The following ZNF778 variants were observed in gnomAD, a reference collection of about 807,000 sequenced individuals.
ZNF778 encodes zinc finger protein 778.
In ZNF778, 37 loss-of-function variants were observed where a neutral mutation model predicts 23.9. The observed-to-expected ratio is 1.54, with a 90% CI of 1.19 to 2.03. The LOEUF is 2.03. Ranked by LOEUF, ZNF778 falls within the 30% of genes most tolerant of loss-of-function variation. ZNF778 has a pLI of 0.00. For synonymous variants in ZNF778, 483 were observed against 343.9 expected, an observed-to-expected ratio of 1.40 and a Z score of -4.48; for missense variants, 1,297 against 934.4, an observed-to-expected ratio of 1.39 and a Z score of -5.06.
In ZNF778 at chr16:89,227,690, G is replaced by T; in HGVS notation, c.1402G>T (p.Val468Leu). Residue 468 changes from valine to leucine, a missense_variant, in exon 7 of 7, where the codon GTA becomes TTA. Coordinates refer to ENST00000433976, the MANE Select transcript of ZNF778 (RefSeq NM_001201407.2). ...TACATCCTCGGGCCTTACTGAGCAT[G>T]TAAGGACTCACACTGGAGAGAAACC... ...FCTSSGLTEH[V>L]RTHTGEKPYE... 6.2e-7 allele frequency: 1 copy of T among 1,614,186 alleles called. No homozygotes were observed. The highest frequency in any genetic ancestry group is 1.1e-5 in the South Asian group (1 of 91,090).
At position 89,228,083 on chromosome 16, in the gene ZNF778, A is replaced by G. The variant is rs2031664023; in HGVS notation, c.1795A>G (p.Thr599Ala). ...ATGTAAGGACTGTGGGAAAACATTCACTGTTTCTTCGAGCCTAACCGAGCA... is the reference window on the plus strand; with the variant it reads ...ATGTAAGGACTGTGGGAAAACATTCGCTGTTTCTTCGAGCCTAACCGAGCA... ...YECKDCGKTF[T>A]VSSSLTEHIR... is the part of the protein sequence containing the mutation. The change falls in exon 7 of 7, where the codon ACT becomes GCT. Residue 599 changes from threonine (T) to alanine (A), a missense_variant. Thr to Ala is a moderately conservative substitution (Grantham distance 58, BLOSUM62 0). Transcript: ENST00000433976. 38 of 1,612,870 alleles carry G rather than the reference A, an allele frequency of 2.4e-5. No individual in the cohort carries two copies. The highest frequency in any genetic ancestry group is 3.2e-5 in the Non-Finnish European group (38 of 1,179,124).
Position 89,236,423 on chromosome 16 carries a change from GA to G in ZNF778, c.*7864del, listed in dbSNP as rs1257038810. ...ATCCAACAAAATATCCTTTAGGAAT[GA>G]AACAGAAGTAACGATGAGGCAATAC... is the stretch of plus-strand genomic sequence containing the variant. On this transcript the variant is annotated 3_prime_UTR_variant, in exon 7 of 7. Transcript: ENST00000433976. 3 of 152,168 alleles carry G rather than the reference GA, an allele frequency of 2.0e-5. No homozygotes were observed. In the East Asian group the frequency reaches 5.8e-4, roughly 29 times the overall value. 9.4% of individuals were successfully genotyped at this position (152,168 alleles called of 1,614,324 possible).
At position 89,228,317 on chromosome 16, in the gene ZNF778, G is replaced by A. The variant is rs773542135; in HGVS notation, c.2029G>A (p.Glu677Lys). Residue 677 changes from glutamate (E) to lysine (K), a missense_variant, in exon 7 of 7, where the codon GAG becomes AAG. Glu to Lys is a moderately conservative substitution (Grantham distance 56). Transcript: ENST00000433976. The part of the protein sequence containing the change: ...HTGEKPYICN[E>K]CGKAFRASSH... The stretch of plus-strand genomic sequence containing the variant: ...AGGAGAGAAACCTTACATATGTAAC[G>A]AGTGTGGGAAAGCCTTCCGTGCCTC... 6.8e-5 allele frequency: 110 copies of A among 1,613,654 alleles called. 1 individual carries two copies. In the East Asian group the frequency reaches 2.2e-3, roughly 32 times the overall value.
At position 89,228,888 on chromosome 16, in the gene ZNF778, G is replaced by A. The variant is rs2031741053; in HGVS notation, c.*326G>A. The A allele has an allele frequency of 1.9e-6, 2 of 1,039,888 alleles. No homozygotes were observed. The highest frequency in any genetic ancestry group is 7.6e-5 in the East Asian group (1 of 13,098). 64.4% of individuals were successfully genotyped at this position (1,039,888 alleles called of 1,614,324 possible). On this transcript the variant is annotated 3_prime_UTR_variant, in exon 7 of 7. Transcript: ENST00000433976. ...CAATGAAGAAAAACCTTAGGAGGGT[G>A]AGAATTGTTGGGAAGTCATTTTTTA...
At chr16:89,218,743 A>ATGGC (rs1173818031) in intron 1 of ZNF778, among the ~76,000 whole-genome samples, 7 of 152,142 alleles carry the variant, frequency 4.6e-5, no homozygotes, top group African/African-American at 1.7e-4. Flanking sequence ...GTGAGCCGAG[A>ATGGC]TGGCGCCACT....
rs2032143689 is a variant in ZNF778, at chr16:89,233,805, T to G, written c.*5243T>G. Reference sequence around the variant, plus strand: ...ACTGCGTATGCAACTCAGCTCGCACTGCGTATGCAACTCAACTGTTGCAAG... The same window carrying G: ...ACTGCGTATGCAACTCAGCTCGCACGGCGTATGCAACTCAACTGTTGCAAG... On this transcript the variant is annotated 3_prime_UTR_variant, in exon 7 of 7. Transcript: ENST00000433976. 7.7e-7 allele frequency: 1 copy of G among 1,291,182 alleles called. No individual in the cohort carries two copies. The highest frequency in any genetic ancestry group is 1.2e-5 in the South Asian group (1 of 81,036). The allele number at this position is 1,291,182 out of a possible 1,614,324, so 80.0% of individuals were successfully genotyped here. A position where few individuals can be genotyped will look rare whatever the true frequency, so the allele number is the denominator to read the frequency against.
intron 2 of ZNF778, 131 bp downstream of exon 2, chr16:89,221,283 G>C (rs779961332): frequency 2.6e-5 from 28 of 1,062,416 alleles, no homozygotes; most frequent in Non-Finnish European, 3.7e-5. Flanking sequence ...GAGTGAGCCA[G>C]AGAATGCTGA....
rs776462447 is a variant in ZNF778 at position 89,227,965 on chromosome 16, G to C, written c.1677G>C (p.Lys559Asn). 1 of 1,589,816 alleles carries C rather than the reference G, an allele frequency of 6.3e-7. No homozygotes were observed. Among genetic ancestry groups the C allele is most frequent in the Admixed American group, 1.7e-5 (1 of 57,948 alleles). ...ATGTGAAAACTCACACAGAGGAGAA[G>C]CCCTTTATATGTACGGTATGCAGGA... ...NEHVKTHTEE[K>N]PFICTVCRKS... Residue 559 changes from lysine to asparagine, a missense_variant, in exon 7 of 7, where the codon AAG becomes AAC. Lys to Asn is a moderately conservative substitution (Grantham distance 94). Coordinates refer to ENST00000433976, the MANE Select transcript of ZNF778 (RefSeq NM_001201407.2).
chr16:89,228,440 G>A lies in ZNF778; in HGVS notation c.2152G>A (p.Glu718Lys). The A allele has an allele frequency of 6.2e-7, 1 of 1,613,858 alleles. No homozygotes were observed. The highest frequency in any genetic ancestry group is 8.5e-7 in the Non-Finnish European group (1 of 1,179,830). Residue 718 changes from glutamate to lysine, a missense_variant, in exon 7 of 7, where the codon GAA (glutamate) becomes AAA (lysine). Coordinates refer to ENST00000433976, the MANE Select transcript of ZNF778 (RefSeq NM_001201407.2). ...ATACAATAGGTTTTATCTACTAAAA[G>A]AACATTTAAAAACTTACACTGAAGA... ...KAYNRFYLLK[E>K]HLKTYTEEQV... is the part of the protein sequence containing the mutation.
At chr16:89,226,544 C>A (rs2031486732) in intron 6 of ZNF778, 150 bp from the exon 7 acceptor site, 1 of 669,448 alleles carries the variant, frequency 1.5e-6, no homozygotes, top group South Asian at 2.0e-5. Context: ...CCTCATTTGA[C>A]TTGAAAGACA....
chr16:89,222,055 T>A (rs748215352), intron 2 of ZNF778, 37 bp from the exon 3 acceptor site: 1 of 1,499,132 alleles, frequency 6.7e-7, no homozygotes, highest in Non-Finnish European at 9.2e-7. Flanking sequence ...GGGTCAGCTC[T>A]GGGTTCTCAT....
chr16:89,232,865 C>G lies in ZNF778; in HGVS notation c.*4303C>G, dbSNP rs1324743963. 1.5e-5 allele frequency: 18 copies of G among 1,220,570 alleles called. No individual in the cohort carries two copies. Among genetic ancestry groups the G allele is most frequent in the African/African-American group, 2.4e-5 (1 of 41,908 alleles). 75.6% of individuals were successfully genotyped at this position (1,220,570 alleles called of 1,614,324 possible). On this transcript the variant is annotated 3_prime_UTR_variant, in exon 7 of 7. Coordinates refer to ENST00000433976, the MANE Select transcript of ZNF778 (RefSeq NM_001201407.2). Reference sequence around the variant, plus strand: ...AACTCACACCGTGTATGCAAATCAACTCGCACTGCGTATGCAACTCAACTC... The same window carrying G: ...AACTCACACCGTGTATGCAAATCAAGTCGCACTGCGTATGCAACTCAACTC...
intron 4 of ZNF778, 49 bp from the exon 5 acceptor site, chr16:89,224,670 C>A: frequency 7.3e-7 from 1 of 1,373,668 alleles, no homozygotes; most frequent in South Asian, 1.2e-5. Context: ...GTAGGTTTGT[C>A]ATCCCCTGCC....
rs768801791 is a variant in ZNF778, at chr16:89,223,274, GC to G, written c.237del (p.Ser80GlnfsTer2). Reference sequence around the variant, plus strand: ...GATGCTGGAAAACTACGAGAACCTGGCCTCAGTAGGTGAGGCTGCCACCGTC... The same window carrying G: ...GATGCTGGAAAACTACGAGAACCTGGCTCAGTAGGTGAGGCTGCCACCGTC... ...DVMLENYENL[A>X]SVGHHLFQPS... On this transcript the variant is annotated frameshift_variant, in exon 4 of 7. Coordinates refer to ENST00000433976, the MANE Select transcript of ZNF778 (RefSeq NM_001201407.2). LOFTEE classifies it high-confidence loss of function. 1 of 1,613,914 alleles carries G rather than the reference GC, an allele frequency of 6.2e-7. No individual in the cohort carries two copies. Among genetic ancestry groups the G allele is most frequent in the Admixed American group, 1.7e-5 (1 of 59,946 alleles).
Position 89,227,348 on chromosome 16 carries a change from A to C in ZNF778, c.1060A>C (p.Lys354Gln). ...KAFTGLSGLS[K>Q]HVQTDPGQKP... Reference sequence around the variant, plus strand: ...CTTCACTGGACTCTCAGGTCTTTCTAAACACGTCCAAACAGACCCTGGACA... The same window carrying C: ...CTTCACTGGACTCTCAGGTCTTTCTCAACACGTCCAAACAGACCCTGGACA... The change falls in exon 7 of 7, where the codon AAA (lysine) becomes CAA (glutamine). Residue 354 changes from lysine (K) to glutamine (Q), a missense_variant. Coordinates refer to ENST00000433976, the MANE Select transcript of ZNF778 (RefSeq NM_001201407.2). The C allele has an allele frequency of 6.2e-7, 1 of 1,613,938 alleles. No homozygotes were observed. Among genetic ancestry groups the C allele is most frequent in the African/African-American group, 1.3e-5 (1 of 75,046 alleles).
Position 89,220,985 on chromosome 16 carries a change from C to A in ZNF778, c.-131-12C>A. 1.2e-6 allele frequency: 1 copy of A among 836,050 alleles called. No homozygotes were observed. Among genetic ancestry groups the A allele is most frequent in the Non-Finnish European group, 1.9e-6 (1 of 529,030 alleles). 51.8% of individuals were successfully genotyped at this position (836,050 alleles called of 1,614,324 possible). ...TAACTGGGAAGTAATGCTTCTTCAT[C>A]ATGATTGCTAGGAAATAGGGATCCA... On this transcript the variant is annotated splice_polypyrimidine_tract_variant and intron_variant, in intron 1 of 6. Coordinates refer to ENST00000433976, the MANE Select transcript of ZNF778 (RefSeq NM_001201407.2).
rs943520470 is a variant in ZNF778 at position 89,218,527 on chromosome 16, C to T, written c.-132+617C>T. On this transcript the variant is annotated intron_variant, in intron 1 of 6. Coordinates refer to ENST00000433976, the MANE Select transcript of ZNF778 (RefSeq NM_001201407.2). ...TAAAATTAGGCCGGGCGCGGTGGCT[C>T]ACGCCTGTAATCCCAGCACTTTGGG... Among the ~76,000 whole-genome samples, 6 of 152,180 alleles carry T rather than the reference C, an allele frequency of 3.9e-5. No individual in the cohort carries two copies. In the East Asian group the frequency reaches 1.2e-3, roughly 29 times the overall value.
At position 89,232,283 on chromosome 16, in the gene ZNF778, C is replaced by T. The variant is rs1166814874; in HGVS notation, c.*3721C>T. On this transcript the variant is annotated 3_prime_UTR_variant, in exon 7 of 7. Coordinates refer to ENST00000433976, the MANE Select transcript of ZNF778 (RefSeq NM_001201407.2). ...CTCGGGTTTGGCTCACTGCCCTTGA[C>T]CTTCTCTGCCCTGTTTGACACAGCA... 2 of 196,332 alleles carry T rather than the reference C, an allele frequency of 1.0e-5. No homozygotes were observed. Among genetic ancestry groups the T allele is most frequent in the African/African-American group, 4.7e-5 (2 of 42,804 alleles). 12.2% of individuals were successfully genotyped at this position (196,332 alleles called of 1,614,324 possible). A position where few individuals can be genotyped will look rare whatever the true frequency, so the allele number is the denominator to read the frequency against.
Position 89,235,345 on chromosome 16 carries a change from C to G in ZNF778, c.*6783C>G, listed in dbSNP as rs939265145. ...AAAAAATCCGAAAGTTTAGTTTTTC[C>G]CATTCGCTTGCCCTGGCCTCCAGGC... On this transcript the variant is annotated 3_prime_UTR_variant, in exon 7 of 7. Coordinates refer to ENST00000433976, the MANE Select transcript of ZNF778 (RefSeq NM_001201407.2). 1 of 152,120 alleles carries G rather than the reference C, an allele frequency of 6.6e-6. No individual in the cohort carries two copies. Among genetic ancestry groups the G allele is most frequent in the African/African-American group, 2.4e-5 (1 of 41,410 alleles). 9.4% of individuals were successfully genotyped at this position (152,120 alleles called of 1,614,324 possible).
Sources: allele counts gnomAD v4.1 joint callset (sites outside exome capture counted in the v4.1 genomes callset), GRCh38; gene constraint gnomAD v4.1.1; transcripts MANE v1.5; gene names NCBI Gene and HGNC (gene_info 2026-07-23, HGNC 2026-07-21).